ANTXR1: variants seen among roughly 807,000 people sequenced by gnomAD.
ANTXR1 encodes the protein ANTXR cell adhesion molecule 1, also known as anthrax toxin receptor 1.
Under a neutral mutation model 78.1 loss-of-function variants are expected in ANTXR1, and 19 were observed. That is an observed-to-expected ratio of 0.24 (90% CI 0.17 to 0.36). The LOEUF is 0.36. Ranked by LOEUF, ANTXR1 falls within the 10% of genes least tolerant of loss-of-function variation. The pLI is 1.00. For synonymous variants in ANTXR1, 273 were observed against 260.5 expected, an observed-to-expected ratio of 1.05 and a Z score of -0.46; for missense variants, 518 against 718.6, an observed-to-expected ratio of 0.72 and a Z score of 3.19.
At chr2:69,030,463 T>TA (rs1466572438) in intron 1 of ANTXR1, among the ~76,000 whole-genome samples, 1 of 152,312 alleles carries the variant, frequency 6.6e-6, no homozygotes, top group East Asian at 1.9e-4. Flanking sequence ...TACATATTGT[T>TA]AAAAAACTAA....
intron 13 of ANTXR1, among the ~76,000 whole-genome samples, chr2:69,163,114 G>A (rs574544140): frequency 1.8e-4 from 27 of 152,012 alleles, no homozygotes; most frequent in African/African-American, 6.3e-4. Context: ...ATAAACAGGT[G>A]AAGTTTCTTA....
At chr2:69,088,055 T>C (rs924573195) in intron 8 of ANTXR1, among the ~76,000 whole-genome samples, 1 of 152,236 alleles carries the variant, frequency 6.6e-6, no homozygotes, top group Non-Finnish European at 1.5e-5. Context: ...AGCTGTGTTT[T>C]TACTGGATTG....
chr2:69,113,051 T>C (rs926535021), intron 10 of ANTXR1, among the ~76,000 whole-genome samples: 25 of 152,080 alleles, frequency 1.6e-4, no homozygotes, highest in Admixed American at 1.3e-3. Flanking sequence ...ATCCTTGATG[T>C]TTCCCCTGCT....
chr2:69,031,838 A>T (rs953383170), intron 1 of ANTXR1, among the ~76,000 whole-genome samples: 8 of 152,232 alleles, frequency 5.3e-5, no homozygotes, highest in Non-Finnish European at 1.0e-4. Flanking sequence ...TGAATTTCAA[A>T]TGTTAACTTT....
At chr2:69,083,591 G>A (rs1670959674) in intron 8 of ANTXR1, among the ~76,000 whole-genome samples, 1 of 152,120 alleles carries the variant, frequency 6.6e-6, no homozygotes, top group Non-Finnish European at 1.5e-5. Context: ...CCCAAAGACT[G>A]CCCTATGTGT....
At chr2:69,157,377 T>G (rs1673556265) in intron 13 of ANTXR1, among the ~76,000 whole-genome samples, 1 of 152,110 alleles carries the variant, frequency 6.6e-6, no homozygotes, top group Admixed American at 6.5e-5. Flanking sequence ...TTAATGTGTT[T>G]ACCCATCACT....
chr2:69,247,182 G>A lies in ANTXR1; in HGVS notation c.*1697G>A, dbSNP rs1258490283. The A allele has an allele frequency of 3.3e-5, 5 of 152,890 alleles. No individual in the cohort carries two copies. The highest frequency in any genetic ancestry group is 1.2e-4 in the African/African-American group (5 of 41,380). The allele number at this position is 152,890 out of a possible 1,614,324, so 9.5% of individuals were successfully genotyped here. Reference sequence around the variant, plus strand: ...TCTCAAATTACAATTCCAAAGAGCCGCCACTCAACAGTCAGATGAACCCAA... The same window carrying A: ...TCTCAAATTACAATTCCAAAGAGCCACCACTCAACAGTCAGATGAACCCAA... On this transcript the variant is annotated 3_prime_UTR_variant, in exon 18 of 18. Coordinates refer to ENST00000303714, the MANE Select transcript of ANTXR1 (RefSeq NM_032208.3).
chr2:69,056,867 C>T (rs192608221), intron 3 of ANTXR1, among the ~76,000 whole-genome samples: 9 of 151,946 alleles, frequency 5.9e-5, no homozygotes, highest in African/African-American at 1.2e-4. Context: ...TTAGTAGAGA[C>T]GGGGTTTCAC....
chr2:69,200,526 ATTCTCTCTCCTCTC>A (rs1255214392), intron 17 of ANTXR1, among the ~76,000 whole-genome samples: 4 of 152,158 alleles, frequency 2.6e-5, no homozygotes, highest in Non-Finnish European at 5.9e-5. Context: ...GCACTCTTGC[ATTCTCTCTCCTCTC>A]TTCTCTCTCC....
At chr2:69,148,953 C>T (rs773754775) in intron 12 of ANTXR1, among the ~76,000 whole-genome samples, 20 of 152,288 alleles carry the variant, frequency 1.3e-4, no homozygotes, top group Middle Eastern at 3.4e-3. Context: ...CCTCAATAAA[C>T]GTTTGCTGAA....
At position 69,109,436 on chromosome 2, in the gene ANTXR1, G is replaced by A. The variant is rs74886399; in HGVS notation, c.802+6496G>A. 1.5e-3 allele frequency among the ~76,000 whole-genome samples: 223 copies of A among 152,304 alleles called. 2 individuals are homozygous for A. The East Asian group carries it at 0.024, about 16-fold the overall frequency. ...ATAGCCAAGAAAAATGTGGAAACTC[G>A]CCCTGGCCGATTTTAAGATTTATAA... On this transcript the variant is annotated intron_variant, in intron 10 of 17. Coordinates refer to ENST00000303714, the MANE Select transcript of ANTXR1 (RefSeq NM_032208.3).
At chr2:69,170,148 T>C in intron 13 of ANTXR1, 100 bp from the exon 14 acceptor site, 4 of 1,333,264 alleles carry the variant, frequency 3.0e-6, no homozygotes, top group Non-Finnish European at 4.3e-6. Context: ...ATTGCCATGG[T>C]AATTATGGCA....
chr2:69,216,912 G>T lies in ANTXR1; in HGVS notation c.1434+23497G>T, dbSNP rs553119639. On this transcript the variant is annotated intron_variant, in intron 17 of 17. Transcript: ENST00000303714. ...TGCTAAGTTAACCAGCACTCTCTGG[G>T]TGCTGCCTGTTCAACCTTCTCTGAG... is the stretch of plus-strand genomic sequence containing the variant. Among the ~76,000 whole-genome samples, 8 of 152,286 alleles carry T rather than the reference G, an allele frequency of 5.3e-5. No individual in the cohort carries two copies. In the South Asian group the frequency reaches 1.7e-3, roughly 32 times the overall value.
chr2:69,108,635 G>A (rs772982134), intron 10 of ANTXR1, among the ~76,000 whole-genome samples: 3 of 152,032 alleles, frequency 2.0e-5, no homozygotes, highest in African/African-American at 7.3e-5. Context: ...CCACCCTCTA[G>A]TAGGCCCCAG....
chr2:69,221,119 C>G (rs1415163269), intron 17 of ANTXR1, among the ~76,000 whole-genome samples: 1 of 152,052 alleles, frequency 6.6e-6, no homozygotes, highest in African/African-American at 2.4e-5. Flanking sequence ...ATATGGGGCT[C>G]TTAAATGACA....
intron 17 of ANTXR1, among the ~76,000 whole-genome samples, chr2:69,205,785 T>A (rs1674884332): frequency 6.6e-6 from 1 of 152,278 alleles, no homozygotes; most frequent in Middle Eastern, 3.4e-3. Context: ...GGAGAGAGAA[T>A]TCACAAGGTC....
At position 69,249,297 on chromosome 2, in the gene ANTXR1, T is replaced by C. The variant is rs955033645; in HGVS notation, c.*3812T>C. 1.3e-5 allele frequency: 2 copies of C among 152,226 alleles called. No homozygotes were observed. Among genetic ancestry groups the C allele is most frequent in the Non-Finnish European group, 1.5e-5 (1 of 68,044 alleles). 9.4% of individuals were successfully genotyped at this position (152,226 alleles called of 1,614,324 possible). A position where few individuals can be genotyped will look rare whatever the true frequency, so the allele number is the denominator to read the frequency against. On this transcript the variant is annotated 3_prime_UTR_variant, in exon 18 of 18. Coordinates refer to ENST00000303714, the MANE Select transcript of ANTXR1 (RefSeq NM_032208.3). The stretch of plus-strand genomic sequence containing the variant: ...CAATGACAACCCTGGAAGTTGCTTT[T>C]TTAAAAAAAATAATAAATTTCTTAA...
chr2:69,145,178 A>G, intron 12 of ANTXR1: 1 of 739,040 alleles, frequency 1.4e-6, no homozygotes, highest in South Asian at 1.7e-5. Flanking sequence ...TCCAGGGAAG[A>G]TGCACAGCCA....
intron 12 of ANTXR1, among the ~76,000 whole-genome samples, chr2:69,151,487 G>A (rs1208388149): frequency 2.0e-5 from 3 of 152,038 alleles, no homozygotes; most frequent in Non-Finnish European, 4.4e-5. Flanking sequence ...GTTAGACATC[G>A]CAGTCCACAG....
Sources: allele counts gnomAD v4.1 joint callset (sites outside exome capture counted in the v4.1 genomes callset), GRCh38; gene constraint gnomAD v4.1.1; transcripts MANE v1.5; gene names NCBI Gene and HGNC (gene_info 2026-07-23, HGNC 2026-07-21).